The following SCGN variants were observed in gnomAD, a reference collection of about 807,000 sequenced individuals.
SCGN encodes the protein secretagogin, EF-hand calcium binding protein.
A neutral mutation model predicts 39.7 loss-of-function variants in SCGN; 30 were observed. That is an observed-to-expected ratio of 0.76 (90% CI 0.57 to 1.03). The LOEUF (loss-of-function observed/expected upper bound fraction) is 1.03. Ranked by LOEUF, SCGN falls within the 50% of genes least tolerant of loss-of-function variation. SCGN has a pLI of 0.00. For missense variants in SCGN, 353 were observed against 349.4 expected, an observed-to-expected ratio of 1.01 and a Z score of -0.08; for synonymous variants, 106 against 114.1, an observed-to-expected ratio of 0.93 and a Z score of 0.45.
chr6:25,680,753 T>C (rs1032916631), intron 6 of SCGN, among the ~76,000 whole-genome samples: 8 of 152,234 alleles, frequency 5.3e-5, no homozygotes, highest in Non-Finnish European at 1.2e-4. Flanking sequence ...AGGGACGTAA[T>C]TGGACATGTA....
intron 10 of SCGN, among the ~76,000 whole-genome samples, chr6:25,698,025 TA>T (rs963182735): frequency 6.6e-6 from 1 of 152,224 alleles, no homozygotes; most frequent in African/African-American, 2.4e-5. Flanking sequence ...TTAATATATT[TA>T]GAGCTCTTAC....
Position 25,701,629 on chromosome 6 carries a change from T to TG in SCGN, c.*301dup, listed in dbSNP as rs202186264. On this transcript the variant is annotated 3_prime_UTR_variant, in exon 11 of 11. Transcript: ENST00000377961. ...GCCTGTCCTTCCCCAGTCACCAGGG[T>TG]GGGGGGGACAGGGGCAGCTGAGTGC... 7.7e-3 allele frequency: 1,988 copies of TG among 256,664 alleles called. 30 individuals are homozygous for TG. The highest frequency in any genetic ancestry group is 0.03 in the African/African-American group (1,360 of 44,676). The allele number at this position is 256,664 out of a possible 1,614,324, so 15.9% of individuals were successfully genotyped here.
chr6:25,683,497 C>A (rs1280804804), intron 7 of SCGN, among the ~76,000 whole-genome samples: 1 of 152,156 alleles, frequency 6.6e-6, no homozygotes, highest in African/African-American at 2.4e-5. Context: ...CTGCTCTCTG[C>A]CCTCTTAGTC....
chr6:25,689,553 T>G, intron 9 of SCGN, 21 bp downstream of exon 9: 1 of 1,606,414 alleles, frequency 6.2e-7, no homozygotes, highest in Non-Finnish European at 8.5e-7. Flanking sequence ...GTCTTTATAC[T>G]GTGCTGGCCA....
intron 8 of SCGN, 50 bp downstream of exon 8, chr6:25,689,267 A>C: frequency 7.3e-7 from 1 of 1,369,964 alleles, no homozygotes; most frequent in Admixed American, 1.9e-5. Flanking sequence ...CTGTTTCTCT[A>C]CGGATTTGAG....
At chr6:25,698,936 A>C (rs1393639679) in intron 10 of SCGN, among the ~76,000 whole-genome samples, 1 of 152,150 alleles carries the variant, frequency 6.6e-6, no homozygotes, top group African/African-American at 2.4e-5. Context: ...ATTTGGTGTC[A>C]GTCATTTACC....
At chr6:25,675,167 C>T (rs1345800596) in intron 6 of SCGN, among the ~76,000 whole-genome samples, 1 of 152,176 alleles carries the variant, frequency 6.6e-6, no homozygotes, top group Non-Finnish European at 1.5e-5. Flanking sequence ...CCCAGCACTC[C>T]CTCAACAAAG....
intron 10 of SCGN, among the ~76,000 whole-genome samples, chr6:25,692,814 C>T (rs1465326697): frequency 6.6e-6 from 1 of 152,162 alleles, no homozygotes; most frequent in Non-Finnish European, 1.5e-5. Context: ...GGCTGCTGCT[C>T]CTCCTCTTTG....
Position 25,701,318 on chromosome 6 carries a change from C to A in SCGN, c.814C>A (p.Leu272Met), listed in dbSNP as rs1759909726. 6.2e-7 allele frequency: 1 copy of A among 1,612,268 alleles called. No individual in the cohort carries two copies. The stretch of plus-strand genomic sequence containing the variant: ...GTCTGAGCTGGCTTTGTGTCTTGGG[C>A]TGAAAATCAACCCATAATCCCAGAC... ...QKSELALCLG[L>M]KINP The change falls in exon 11 of 11, where the codon CTG becomes ATG. Residue 272 changes from leucine (L) to methionine (M), a missense_variant. Physicochemically the swap from Leu to Met is conservative, Grantham distance 15. Coordinates refer to ENST00000377961, the MANE Select transcript of SCGN (RefSeq NM_006998.4).
chr6:25,701,096 C>T, intron 10 of SCGN, 111 bp from the exon 11 acceptor site: 1 of 1,220,552 alleles, frequency 8.2e-7, no homozygotes, highest in Non-Finnish European at 1.1e-6. Context: ...CTCCCTGTGG[C>T]CTGTCTCCTT....
At chr6:25,692,132 C>T (rs766430273) in intron 10 of SCGN, among the ~76,000 whole-genome samples, 28 of 152,138 alleles carry the variant, frequency 1.8e-4, no homozygotes, top group African/African-American at 5.5e-4. Flanking sequence ...GGAGATTTCA[C>T]GGGCATTTGC....
At chr6:25,664,248 A>G (rs896632772) in intron 3 of SCGN, among the ~76,000 whole-genome samples, 2 of 152,178 alleles carry the variant, frequency 1.3e-5, no homozygotes, top group Non-Finnish European at 2.9e-5. Flanking sequence ...AAGAATATAA[A>G]CCATAGCTAA....
chr6:25,654,759 C>T (rs2281075), intron 2 of SCGN, among the ~76,000 whole-genome samples: 41,539 of 151,902 alleles, frequency 0.27, 5,706 homozygotes, highest in African/African-American at 0.3. Flanking sequence ...TTTTCTTTGT[C>T]TCTTATCTCC....
At chr6:25,689,045 C>T (rs1759741532) in intron 7 of SCGN, 127 bp from the exon 8 acceptor site, 3 of 588,868 alleles carry the variant, frequency 5.1e-6, no homozygotes, top group Non-Finnish European at 8.8e-6. Flanking sequence ...GTAGGAAGTT[C>T]TGTCTTTCAA....
chr6:25,676,429 C>A (rs1415204677), intron 6 of SCGN, among the ~76,000 whole-genome samples: 2 of 152,216 alleles, frequency 1.3e-5, no homozygotes, highest in Admixed American at 1.3e-4. Context: ...CTCCTTTTAT[C>A]TCCTCCCCAG....
intron 7 of SCGN, among the ~76,000 whole-genome samples, chr6:25,684,178 G>A (rs896004432): frequency 6.6e-6 from 1 of 152,100 alleles, no homozygotes; most frequent in African/African-American, 2.4e-5. Flanking sequence ...CAGGGACTAT[G>A]CTCTAATCCC....
Position 25,701,280 on chromosome 6 carries a change from G to C in SCGN, c.776G>C (p.Gly259Ala). The stretch of plus-strand genomic sequence containing the variant: ...CGTCACTGCGACGTGAACAAGGATG[G>C]AAAAATTCAGAAGTCTGAGCTGGCT... The part of the protein sequence containing the change: ...LLRHCDVNKD[G>A]KIQKSELALC... Residue 259 changes from glycine (G) to alanine (A), a missense_variant, in exon 11 of 11, where the codon GGA becomes GCA. Coordinates refer to ENST00000377961, the MANE Select transcript of SCGN (RefSeq NM_006998.4). 1 of 1,613,658 alleles carries C rather than the reference G, an allele frequency of 6.2e-7. No individual in the cohort carries two copies. Among genetic ancestry groups the C allele is most frequent in the South Asian group, 1.1e-5 (1 of 90,936 alleles).
At chr6:25,676,728 A>T (rs1214177200) in intron 6 of SCGN, among the ~76,000 whole-genome samples, 2 of 152,222 alleles carry the variant, frequency 1.3e-5, no homozygotes, top group African/African-American at 4.8e-5. Flanking sequence ...ATTTCATGTT[A>T]CGTATGTAAA....
chr6:25,677,582 A>C (rs1361214223), intron 6 of SCGN, among the ~76,000 whole-genome samples: 1 of 152,226 alleles, frequency 6.6e-6, no homozygotes, highest in Non-Finnish European at 1.5e-5. Flanking sequence ...TATTAAATAA[A>C]AAAGGAAGTT....
Sources: gnomAD v4.1 joint callset for allele counts (sites outside exome capture counted in the v4.1 genomes callset) on GRCh38, gnomAD v4.1.1 for gene constraint, MANE v1.5 for transcripts, NCBI Gene and HGNC (gene_info 2026-07-23, HGNC 2026-07-21) for gene names.